The following PLXNA4 variants were observed in gnomAD, a reference collection of about 807,000 sequenced individuals.
PLXNA4 encodes plexin A4.
PLXNA4 carries 44 observed loss-of-function variants against 191.8 expected under a neutral mutation model. The ratio of observed to expected loss-of-function variants is 0.23; its 90% CI spans 0.18 to 0.29. The LOEUF is 0.29. PLXNA4 is among the 10% of genes least tolerant of loss of function. The pLI is 1.00. For synonymous variants in PLXNA4, 1,082 were observed against 1,009.5 expected (o/e 1.07, Z -1.36); for missense variants, 1,800 against 2,488.8 (o/e 0.72, Z 5.89).
chr7:132,334,544 C>CT (rs2116713114), intron 3 of PLXNA4, among the ~76,000 whole-genome samples: 1 of 152,166 alleles, frequency 6.6e-6, no homozygotes, highest in East Asian at 1.9e-4. Flanking sequence ...AGGTGCCCAG[C>CT]TTACAGGTGC....
intron 2 of PLXNA4, among the ~76,000 whole-genome samples, chr7:132,586,359 G>A (rs1416927833): frequency 6.6e-6 from 1 of 152,168 alleles, no homozygotes; most frequent in Non-Finnish European, 1.5e-5. Context: ...CTGAATGTTG[G>A]GCATTTTGGG....
chr7:132,348,985 G>A (rs750843025), intron 3 of PLXNA4, among the ~76,000 whole-genome samples: 32 of 152,074 alleles, frequency 2.1e-4, no homozygotes, highest in African/African-American at 7.0e-4. Flanking sequence ...AGTCTGAGGC[G>A]CCCCTCCGTG....
At chr7:132,489,596 C>A in intron 2 of PLXNA4, 122 bp from the exon 3 acceptor site, 1 of 920,276 alleles carries the variant, frequency 1.1e-6, no homozygotes, top group Non-Finnish European at 1.5e-6. Context: ...AACAATCCCT[C>A]TTTTTTACAT....
In PLXNA4 at chr7:132,193,931, C is replaced by T. The variant is rs1179180509; in HGVS notation, c.2856+131G>A. The T allele has an allele frequency of 3.3e-6, 4 of 1,208,986 alleles. No homozygotes were observed. The African/African-American group carries it at 6.1e-5, about 18-fold the overall frequency. 74.9% of individuals were successfully genotyped at this position (1,208,986 alleles called of 1,614,324 possible). On this transcript the variant is annotated intron_variant, in intron 14 of 31. Transcript: ENST00000321063. ...CTCACTCACTATAAGACAGGAGTCTCATGAACTGAGGGAGGTTGCAGGGCA... is the reference window on the plus strand; with the variant it reads ...CTCACTCACTATAAGACAGGAGTCTTATGAACTGAGGGAGGTTGCAGGGCA...
At chr7:132,362,920 G>A (rs781642085) in intron 3 of PLXNA4, among the ~76,000 whole-genome samples, 2 of 152,172 alleles carry the variant, frequency 1.3e-5, no homozygotes, top group Non-Finnish European at 1.5e-5. Context: ...TAAGTGTAAA[G>A]TTCAGTGTCA....
intron 2 of PLXNA4, among the ~76,000 whole-genome samples, chr7:132,603,864 CA>C (rs5887584): frequency 0.68 from 104,151 of 152,054 alleles, 38,218 homozygotes; most frequent in South Asian, 0.88. Context: ...TGGCCTTGAG[CA>C]AATCACTTAA....
intron 1 of PLXNA4, among the ~76,000 whole-genome samples, chr7:132,564,463 G>C (rs369209600): frequency 2.6e-5 from 4 of 151,672 alleles, no homozygotes; most frequent in African/African-American, 9.7e-5. Flanking sequence ...AACTGGATGG[G>C]TGCCCGTCTT....
chr7:132,642,740 A>C (rs1016136323), intron 2 of PLXNA4, among the ~76,000 whole-genome samples: 5 of 152,204 alleles, frequency 3.3e-5, no homozygotes, highest in Non-Finnish European at 7.3e-5. Context: ...CGTTTCATCC[A>C]TAAGGGGCTG....
At chr7:132,368,997 T>A (rs1804313463) in intron 3 of PLXNA4, among the ~76,000 whole-genome samples, 1 of 152,196 alleles carries the variant, frequency 6.6e-6, no homozygotes, top group African/African-American at 2.4e-5. Context: ...CCTCCCCTAA[T>A]TCAGACCATG....
intron 4 of PLXNA4, among the ~76,000 whole-genome samples, chr7:132,288,555 C>T (rs2116445682): frequency 6.6e-6 from 1 of 152,276 alleles, no homozygotes; most frequent in African/African-American, 2.4e-5. Flanking sequence ...ATTCCTCAGC[C>T]CTGTGCTTCA....
Position 132,228,334 on chromosome 7 carries a change from C to T in PLXNA4, c.1728+12G>A, listed in dbSNP as rs762933776. On this transcript the variant is annotated intron_variant, in intron 6 of 31. Transcript: ENST00000321063. Reference sequence around the variant, plus strand: ...CATCCCTGGACCCCACCCCAACCCCCACGACCCTTACCAGCACGTTGTACT... The same window carrying T: ...CATCCCTGGACCCCACCCCAACCCCTACGACCCTTACCAGCACGTTGTACT... 6.2e-7 allele frequency: 1 copy of T among 1,614,036 alleles called. No individual in the cohort carries two copies. The highest frequency in any genetic ancestry group is 1.7e-5 in the Admixed American group (1 of 60,020).
At chr7:132,467,807 G>A (rs1796767488) in intron 3 of PLXNA4, among the ~76,000 whole-genome samples, 1 of 152,206 alleles carries the variant, frequency 6.6e-6, no homozygotes, top group Non-Finnish European at 1.5e-5. Context: ...TGGTGTCCAA[G>A]TGGTGAAACA....
chr7:132,279,455 C>A (rs1313709440), intron 4 of PLXNA4, among the ~76,000 whole-genome samples: 1 of 151,898 alleles, frequency 6.6e-6, no homozygotes, highest in African/African-American at 2.4e-5. Context: ...ATAGTGAGAC[C>A]CTATTTCTAC....
At chr7:132,291,259 C>G (rs1800881487) in intron 4 of PLXNA4, among the ~76,000 whole-genome samples, 1 of 152,184 alleles carries the variant, frequency 6.6e-6, no homozygotes, top group African/African-American at 2.4e-5. Flanking sequence ...GCTTTTTGCT[C>G]AAAAGTTCCC....
chr7:132,618,107 T>C (rs35054527), intron 2 of PLXNA4, among the ~76,000 whole-genome samples: 16,625 of 152,254 alleles, frequency 0.11, 1,072 homozygotes, highest in Non-Finnish European at 0.15. Context: ...TTGAGTCGTA[T>C]GGCCAAACTC....
intron 3 of PLXNA4, among the ~76,000 whole-genome samples, chr7:132,488,174 C>T (rs1015915680): frequency 1.3e-5 from 2 of 152,194 alleles, no homozygotes; most frequent in African/African-American, 4.8e-5. Context: ...CACAAACACA[C>T]TCTGGGGTGC....
chr7:132,236,490 T>G (rs1274495429), intron 5 of PLXNA4, among the ~76,000 whole-genome samples: 2 of 152,266 alleles, frequency 1.3e-5, no homozygotes, highest in African/African-American at 4.8e-5. Context: ...TTGAGGCCAC[T>G]TAGCAAGCAA....
intron 1 of PLXNA4, among the ~76,000 whole-genome samples, chr7:132,513,735 C>A (rs902164823): frequency 6.7e-6 from 1 of 148,636 alleles, no homozygotes; most frequent in Admixed American, 6.8e-5. Context: ...TGCAGTGGCA[C>A]AATCTAGGCT....
intron 3 of PLXNA4, among the ~76,000 whole-genome samples, chr7:132,432,274 G>A (rs866860998): frequency 9.2e-5 from 14 of 152,140 alleles, no homozygotes; most frequent in African/African-American, 2.7e-4. Flanking sequence ...TTCGAATCCC[G>A]TTTATGAGTG....
Sources: gnomAD v4.1 joint callset for allele counts (sites outside exome capture counted in the v4.1 genomes callset) on GRCh38, gnomAD v4.1.1 for gene constraint, MANE v1.5 for transcripts, NCBI Gene and HGNC (gene_info 2026-07-23, HGNC 2026-07-21) for gene names.